CTPS2: variants seen among roughly 807,000 people sequenced by gnomAD.
CTPS2 encodes the protein CTP synthase 2.
Under a neutral mutation model 46.8 loss-of-function variants are expected in CTPS2, and 19 were observed. The observed-to-expected ratio is 0.41, with a 90% CI of 0.28 to 0.60. CTPS2 has a LOEUF of 0.60. Among genes scored for constraint, CTPS2 ranks in the 20% least tolerant of loss-of-function variants. The pLI is 0.35. For missense variants in CTPS2, 286 were observed against 447.6 expected, an observed-to-expected ratio of 0.64 and a Z score of 3.26; for synonymous variants, 151 against 165.2, an observed-to-expected ratio of 0.91 and a Z score of 0.66.
intron 9 of CTPS2, 148 bp from the exon 10 acceptor site, chrX:16,678,598 G>A: frequency 2.2e-6 from 1 of 449,315 alleles, no homozygotes. Flanking sequence ...AACAGTCTCT[G>A]TTTTGCGGCT....
intron 17 of CTPS2, among the ~76,000 whole-genome samples, chrX:16,608,033 G>A (rs1424611252): frequency 3.6e-5 from 4 of 111,061 alleles, no homozygotes; most frequent in African/African-American, 1.3e-4. Flanking sequence ...CCAACATGGT[G>A]AAACCCTGTC....
chrX:16,661,976 G>A (rs1055944218), intron 13 of CTPS2, among the ~76,000 whole-genome samples: 3 of 92,923 alleles, frequency 3.2e-5, no homozygotes, highest in African/African-American at 1.2e-4. Context: ...CTACACATTA[G>A]ATTGAGATTG....
At chrX:16,666,591 G>A (rs1365859782) in intron 13 of CTPS2, among the ~76,000 whole-genome samples, 2 of 111,256 alleles carry the variant, frequency 1.8e-5, no homozygotes, top group Non-Finnish European at 3.8e-5. Flanking sequence ...CTAGGCTTCC[G>A]TGAGCCGTGA....
chrX:16,698,965 T>C lies in CTPS2; in HGVS notation c.295A>G (p.Asn99Asp), dbSNP rs752670958. The stretch of plus-strand genomic sequence containing the variant: ...AGGTAATCACCACGCCTCTCTTTAT[T>C]GATCACATGCTGATATATCTTCCCC... ...TTGKIYQHVI[N>D]KERRGDYLGK... The change falls in exon 3 of 19, where the codon AAT becomes GAT. Residue 99 changes from asparagine to aspartate, a missense_variant. Coordinates refer to ENST00000359276, the MANE Select transcript of CTPS2 (RefSeq NM_175859.3). The C allele has an allele frequency of 8.3e-7, 1 of 1,202,182 alleles. No individual in the cohort carries two copies. The highest frequency in any genetic ancestry group is 2.2e-5 in the Admixed American group (1 of 44,505).
intron 17 of CTPS2, among the ~76,000 whole-genome samples, chrX:16,595,878 A>G (rs1273424492): frequency 9.0e-6 from 1 of 111,703 alleles, no homozygotes; most frequent in Non-Finnish European, 1.9e-5. Flanking sequence ...CCTTAAAAAA[A>G]ATTTTTTTTG....
At chrX:16,592,068 CTCTG>C (rs1180906542) in intron 17 of CTPS2, among the ~76,000 whole-genome samples, 4 of 109,323 alleles carry the variant, frequency 3.7e-5, no homozygotes, top group Non-Finnish European at 7.6e-5. Context: ...GTATGCTTTT[CTCTG>C]TCTCTTTTTT....
chrX:16,593,334 C>T (rs1468496510), intron 17 of CTPS2, among the ~76,000 whole-genome samples: 1 of 105,111 alleles, frequency 9.5e-6, no homozygotes, highest in Non-Finnish European at 1.9e-5. Context: ...GAGGCTGAGG[C>T]AGGAGAATGG....
chrX:16,604,843 C>T (rs967660025), intron 17 of CTPS2, among the ~76,000 whole-genome samples: 3 of 112,304 alleles, frequency 2.7e-5, no homozygotes, highest in Admixed American at 9.4e-5. Context: ...GCCTTTTATA[C>T]GTGAGACAAA....
At chrX:16,701,687 G>A (rs1186680647) in intron 2 of CTPS2, among the ~76,000 whole-genome samples, 4 of 107,002 alleles carry the variant, frequency 3.7e-5, no homozygotes, top group African/African-American at 6.8e-5. Flanking sequence ...CTGCAAGTTC[G>A]CCTCCTGGGT....
chrX:16,703,048 TAG>T, intron 1 of CTPS2, 107 bp from the exon 2 acceptor site: 3 of 491,858 alleles, frequency 6.1e-6, no homozygotes, highest in Non-Finnish European at 9.6e-6. Flanking sequence ...TTTTTAGACA[TAG>T]TCTTACTGTC....
At chrX:16,710,318 G>A (rs1925378644) in intron 1 of CTPS2, among the ~76,000 whole-genome samples, 1 of 112,012 alleles carries the variant, frequency 8.9e-6, no homozygotes, top group Non-Finnish European at 1.9e-5. Context: ...TGGACTCCAA[G>A]CATAAAATCA....
At chrX:16,623,932 C>G (rs1009603706) in intron 14 of CTPS2, among the ~76,000 whole-genome samples, 2 of 106,486 alleles carry the variant, frequency 1.9e-5, no homozygotes, top group African/African-American at 6.9e-5. Flanking sequence ...CTCAGCCTCC[C>G]GAGTAGCTGG....
chrX:16,683,783 C>T (rs192183313), intron 8 of CTPS2, among the ~76,000 whole-genome samples: 1 of 112,199 alleles, frequency 8.9e-6, no homozygotes, highest in Non-Finnish European at 1.9e-5. Context: ...ATGCATTCTG[C>T]GTGTCAGTAG....
intron 4 of CTPS2, among the ~76,000 whole-genome samples, chrX:16,697,868 G>A (rs1426304373): frequency 8.9e-6 from 1 of 111,907 alleles, no homozygotes; most frequent in Non-Finnish European, 1.9e-5. Context: ...GTATGCACTA[G>A]AATGCAGTCT....
At chrX:16,652,611 C>T (rs1195336816) in intron 13 of CTPS2, among the ~76,000 whole-genome samples, 1 of 112,098 alleles carries the variant, frequency 8.9e-6, no homozygotes, top group Non-Finnish European at 1.9e-5. Flanking sequence ...AATCATCTAA[C>T]AGGAAAGCCT....
At chrX:16,590,969 A>G in intron 17 of CTPS2, 107 bp from the exon 18 acceptor site, 1 of 520,157 alleles carries the variant, frequency 1.9e-6, no homozygotes, top group Non-Finnish European at 3.2e-6. Flanking sequence ...AGTATGAGAG[A>G]AAATACTAAA....
chrX:16,603,432 T>C (rs1602122278), intron 17 of CTPS2, among the ~76,000 whole-genome samples: 1 of 104,143 alleles, frequency 9.6e-6, no homozygotes, highest in African/African-American at 3.7e-5. Context: ...AATAAATAAA[T>C]AAATAAATAA....
rs763344386 is a variant in CTPS2, at chrX:16,667,583, A to G, written c.1253-26T>C. ...CTGAAGATTAAGAAAAGAGTTCAGT[A>G]ATTCACCAATAGTGCTGAAAAATAT... On this transcript the variant is annotated intron_variant, in intron 12 of 18. Coordinates refer to ENST00000359276, the MANE Select transcript of CTPS2 (RefSeq NM_175859.3). 7 of 1,206,462 alleles carry G rather than the reference A, an allele frequency of 5.8e-6. No individual in the cohort carries two copies. In the South Asian group the frequency reaches 1.1e-4, roughly 18 times the overall value.
At chrX:16,655,620 G>C (rs772925398) in intron 13 of CTPS2, among the ~76,000 whole-genome samples, 4 of 110,797 alleles carry the variant, frequency 3.6e-5, no homozygotes, top group Non-Finnish European at 7.6e-5. Context: ...GTTACCAATG[G>C]CTCAAGCTGA....
Sources: gnomAD v4.1 joint callset for allele counts (sites outside exome capture counted in the v4.1 genomes callset) on GRCh38, gnomAD v4.1.1 for gene constraint, MANE v1.5 for transcripts, NCBI Gene and HGNC (gene_info 2026-07-23, HGNC 2026-07-21) for gene names.